ZBTB39: variants seen among roughly 807,000 people sequenced by gnomAD.
ZBTB39 encodes zinc finger and BTB domain containing 39, also known as zinc finger and BTB domain-containing protein 39.
Under a neutral mutation model 39.4 loss-of-function variants are expected in ZBTB39, and 25 were observed. The observed-to-expected ratio is 0.63, with a 90% confidence interval of 0.46 to 0.89. ZBTB39 has a LOEUF of 0.89. Ranked by LOEUF, ZBTB39 falls within the 40% of genes least tolerant of loss-of-function variation. ZBTB39 has a pLI of 0.00. For synonymous variants in ZBTB39, 373 were observed against 359.6 expected, an observed-to-expected ratio of 1.04 and a Z score of -0.42; for missense variants, 891 against 909.7, an observed-to-expected ratio of 0.98 and a Z score of 0.26.
At position 56,999,308 on chromosome 12, in the gene ZBTB39, A is replaced by G. The variant is rs1956196861; in HGVS notation, c.*3471T>C. On this transcript the variant is annotated 3_prime_UTR_variant, in exon 2 of 2. Coordinates refer to ENST00000300101, the MANE Select transcript of ZBTB39 (RefSeq NM_014830.3). ...TCCCATACCAATAAATACAGTGTCTATCTAGAATTTGCTTTGGAAGTTAAG... is the reference window on the plus strand; with the variant it reads ...TCCCATACCAATAAATACAGTGTCTGTCTAGAATTTGCTTTGGAAGTTAAG... 6.6e-6 allele frequency: 1 copy of G among 152,160 alleles called. No homozygotes were observed. The allele number at this position is 152,160 out of a possible 1,614,324, so 9.4% of individuals were successfully genotyped here.
chr12:57,002,677 C>A lies in ZBTB39; in HGVS notation c.*102G>T. On this transcript the variant is annotated 3_prime_UTR_variant, in exon 2 of 2. Transcript: ENST00000300101. Reference sequence around the variant, plus strand: ...ACACAACACAGAACAGAATTCCTACCAAGGCAAAATTATAACTTCAGCTGG... The same window carrying A: ...ACACAACACAGAACAGAATTCCTACAAAGGCAAAATTATAACTTCAGCTGG... 1 of 1,181,048 alleles carries A rather than the reference C, an allele frequency of 8.5e-7. No homozygotes were observed. Among genetic ancestry groups the A allele is most frequent in the South Asian group, 1.5e-5 (1 of 67,806 alleles). The allele number at this position is 1,181,048 out of a possible 1,614,324, so 73.2% of individuals were successfully genotyped here.
In ZBTB39 at chr12:57,003,362, T is replaced by C. The variant is rs769151317; in HGVS notation, c.1556A>G (p.Asp519Gly). 4.3e-6 allele frequency: 7 copies of C among 1,613,962 alleles called. No homozygotes were observed. Among genetic ancestry groups the C allele is most frequent in the East Asian group, 4.5e-5 (2 of 44,882 alleles). ...CATGTGCTTCTCTAGAAGATGCCAGTCCACAAAGCTGTTCGCACAGACAGA... is the reference window on the plus strand; with the variant it reads ...CATGTGCTTCTCTAGAAGATGCCAGCCCACAAAGCTGTTCGCACAGACAGA... ...SCSVCANSFV[D>G]WHLLEKHMAV... The change falls in exon 2 of 2, where the codon GAC (aspartate) becomes GGC (glycine). Residue 519 changes from aspartate to glycine, a missense_variant. Asp to Gly is a moderately conservative substitution (Grantham distance 94, BLOSUM62 -1). Coordinates refer to ENST00000300101, the MANE Select transcript of ZBTB39 (RefSeq NM_014830.3). The surrounding 1 kb of genome is among the most constrained non-coding windows in gnomAD (Gnocchi z 4.8).
intron 1 of ZBTB39, among the ~76,000 whole-genome samples, chr12:57,005,314 A>G (rs1017054776): frequency 6.6e-6 from 1 of 152,204 alleles, no homozygotes; most frequent in Non-Finnish European, 1.5e-5. Flanking sequence ...AAGCTTTCCT[A>G]ATTCATTGAG....
In ZBTB39 at chr12:57,003,629, A is replaced by T. The variant is rs1230655125; in HGVS notation, c.1289T>A (p.Val430Asp). 6.2e-7 allele frequency: 1 copy of T among 1,614,164 alleles called. No homozygotes were observed. The highest frequency in any genetic ancestry group is 1.7e-5 in the Admixed American group (1 of 60,026). The change falls in exon 2 of 2, where the codon GTC becomes GAC. Residue 430 changes from valine to aspartate, a missense_variant. Coordinates refer to ENST00000300101, the MANE Select transcript of ZBTB39 (RefSeq NM_014830.3). This position sits in a 1 kb window ranked among gnomAD's most constrained non-coding sequence, Gnocchi z 4.8. ...CCCTGGCAGGGGATCGTTGGGGTGGACAATGATGTTGTTCTCAAATATTCC... is the reference window on the plus strand; with the variant it reads ...CCCTGGCAGGGGATCGTTGGGGTGGTCAATGATGTTGTTCTCAAATATTCC... Reference protein sequence around the residue: ...RDGIFENNIIVHPNDPLPGKL... With the variant: ...RDGIFENNIIDHPNDPLPGKL...
Position 57,002,580 on chromosome 12 carries a change from A to T in ZBTB39, c.*199T>A. On this transcript the variant is annotated 3_prime_UTR_variant, in exon 2 of 2. Coordinates refer to ENST00000300101, the MANE Select transcript of ZBTB39 (RefSeq NM_014830.3). ...ATGGGCAAGAACAGGTATGGAGGTA[A>T]ATGTGATAGGGCTGTTGCTTCTCAA... The T allele has an allele frequency of 1.6e-6, 1 of 607,276 alleles. No homozygotes were observed. The highest frequency in any genetic ancestry group is 2.1e-5 in the South Asian group (1 of 47,024). The allele number at this position is 607,276 out of a possible 1,614,324, so 37.6% of individuals were successfully genotyped here. A position where few individuals can be genotyped will look rare whatever the true frequency, so the allele number is the denominator to read the frequency against.
chr12:57,004,914 C>T lies in ZBTB39; in HGVS notation c.4G>A (p.Gly2Ser). ...GTGCTTTGCAGTTTGATCCTCATGC[C>T]CATCTTAGCAGCTCCTATGAAATTA... M[G>S]MRIKLQSTNH... The change falls in exon 2 of 2, where the codon GGC becomes AGC. Residue 2 changes from glycine to serine, a missense_variant. Gly to Ser is a moderately conservative substitution (Grantham distance 56, BLOSUM62 0). Coordinates refer to ENST00000300101, the MANE Select transcript of ZBTB39 (RefSeq NM_014830.3). 1.3e-6 allele frequency: 2 copies of T among 1,588,380 alleles called. No homozygotes were observed. Among genetic ancestry groups the T allele is most frequent in the Non-Finnish European group, 1.7e-6 (2 of 1,163,824 alleles).
Position 57,004,908 on chromosome 12 carries a change from T to G in ZBTB39, c.10A>C (p.Arg4=). The G allele has an allele frequency of 1.3e-6, 2 of 1,593,474 alleles. No homozygotes were observed. The highest frequency in any genetic ancestry group is 1.7e-6 in the Non-Finnish European group (2 of 1,166,452). The change falls in exon 2 of 2, where the codon AGG becomes CGG. Residue 4 remains arginine (R), a synonymous_variant. Transcript: ENST00000300101. The part of the protein sequence containing the change: MGM[R]IKLQSTNHPN... ...TGGTTGGTGCTTTGCAGTTTGATCCTCATGCCCATCTTAGCAGCTCCTATG... is the reference window on the plus strand; with the variant it reads ...TGGTTGGTGCTTTGCAGTTTGATCCGCATGCCCATCTTAGCAGCTCCTATG...
rs752168216 is a variant in ZBTB39, at chr12:57,002,946, C to A, written c.1972G>T (p.Ala658Ser). Residue 658 changes from alanine (A) to serine (S), a missense_variant, in exon 2 of 2, where the codon GCC (alanine) becomes TCC (serine). Coordinates refer to ENST00000300101, the MANE Select transcript of ZBTB39 (RefSeq NM_014830.3). Reference sequence around the variant, plus strand: ...CAGACTGTGCAGCGGTACATGAGGGCCCCCGAGTGTGTCTTTAGGTGGCAC... The same window carrying A: ...CAGACTGTGCAGCGGTACATGAGGGACCCCGAGTGTGTCTTTAGGTGGCAC... Reference protein sequence around the residue: ...IKCHLKTHSGALMYRCTVCGH... With the variant: ...IKCHLKTHSGSLMYRCTVCGH... 1 of 1,614,206 alleles carries A rather than the reference C, an allele frequency of 6.2e-7. No individual in the cohort carries two copies. The highest frequency in any genetic ancestry group is 1.7e-5 in the Admixed American group (1 of 60,026).
rs1956220936 is a variant in ZBTB39 at position 57,003,230 on chromosome 12, T to C, written c.1688A>G (p.Asn563Ser). 1.2e-6 allele frequency: 2 copies of C among 1,614,242 alleles called. No homozygotes were observed. Among genetic ancestry groups the C allele is most frequent in the Non-Finnish European group, 1.7e-6 (2 of 1,180,030 alleles). The part of the protein sequence containing the change: ...YRYHVSQHKC[N>S]SGLDARPGFG... ...ACCAGGCCGTGCATCAAGGCCACTG[T>C]TGCATTTGTGCTGGCTGACGTGGTA... is the stretch of plus-strand genomic sequence containing the variant. Residue 563 changes from asparagine (N) to serine (S), a missense_variant, in exon 2 of 2, where the codon AAC (asparagine) becomes AGC (serine). Asn to Ser is a conservative substitution (Grantham distance 46). Transcript: ENST00000300101. The surrounding 1 kb of genome is among the most constrained non-coding windows in gnomAD (Gnocchi z 4.8).
Position 57,002,925 on chromosome 12 carries a change from CTG to C in ZBTB39, c.1991_1992del (p.Thr664SerfsTer10), listed in dbSNP as rs1956218455. On this transcript the variant is annotated frameshift_variant, in exon 2 of 2. Transcript: ENST00000300101. LOFTEE classifies it high-confidence loss of function. ...THSGALMYRCTVCGHYSSTLN... is the reference protein window; with the variant it reads ...THSGALMYRCXVCGHYSSTLN... ...AGGGTGGAACTGTAGTGCCCACAGACTGTGCAGCGGTACATGAGGGCCCCCGA... is the reference window on the plus strand; with the variant it reads ...AGGGTGGAACTGTAGTGCCCACAGACTGCAGCGGTACATGAGGGCCCCCGA... 6.2e-7 allele frequency: 1 copy of C among 1,614,130 alleles called. No individual in the cohort carries two copies. Among genetic ancestry groups the C allele is most frequent in the African/African-American group, 1.3e-5 (1 of 74,940 alleles).
At position 57,006,506 on chromosome 12, in the gene ZBTB39, G is replaced by C. The variant is rs1276456740; in HGVS notation, c.-146C>G. ...CGAGGAGGCGGCGCCGCCGGCCGCG[G>C]CCAGACTCTCCATCCGCCGCGCGGC... On this transcript the variant is annotated 5_prime_UTR_variant, in exon 1 of 2. Transcript: ENST00000300101. 1 of 146,698 alleles carries C rather than the reference G, an allele frequency of 6.8e-6. No homozygotes were observed. Among genetic ancestry groups the C allele is most frequent in the Non-Finnish European group, 1.5e-5 (1 of 65,996 alleles). 9.1% of individuals were successfully genotyped at this position (146,698 alleles called of 1,614,324 possible).
rs1956207009 is a variant in ZBTB39, at chr12:57,001,003, G to C, written c.*1776C>G. 6.6e-6 allele frequency: 1 copy of C among 152,316 alleles called. No homozygotes were observed. Among genetic ancestry groups the C allele is most frequent in the Admixed American group, 6.5e-5 (1 of 15,286 alleles). The allele number at this position is 152,316 out of a possible 1,614,324, so 9.4% of individuals were successfully genotyped here. Reference sequence around the variant, plus strand: ...ATCTACTCCATCACAGGAAGGAAGGGGGATGAAAGGCCTGGAATTTAACTG... The same window carrying C: ...ATCTACTCCATCACAGGAAGGAAGGCGGATGAAAGGCCTGGAATTTAACTG... On this transcript the variant is annotated 3_prime_UTR_variant, in exon 2 of 2. Transcript: ENST00000300101.
rs1451600930 is a variant in ZBTB39 at position 57,006,486 on chromosome 12, A to AGGC, written c.-129_-127dup. 1.4e-5 allele frequency: 2 copies of AGGC among 147,178 alleles called. No homozygotes were observed. The highest frequency in any genetic ancestry group is 6.7e-5 in the Admixed American group (1 of 14,908). The allele number at this position is 147,178 out of a possible 1,614,324, so 9.1% of individuals were successfully genotyped here. A position where few individuals can be genotyped will look rare whatever the true frequency, so the allele number is the denominator to read the frequency against. ...GCCCGCCGTGCCCGGCCCGACGAGG[A>AGGC]GGCGGCGCCGCCGGCCGCGGCCAGA... On this transcript the variant is annotated 5_prime_UTR_variant, in exon 1 of 2. Coordinates refer to ENST00000300101, the MANE Select transcript of ZBTB39 (RefSeq NM_014830.3).
Position 57,002,631 on chromosome 12 carries a change from T to C in ZBTB39, c.*148A>G. On this transcript the variant is annotated 3_prime_UTR_variant, in exon 2 of 2. Transcript: ENST00000300101. ...CAACAGTAACAGCTTATGTGCTATTTCTTCTTCTTTTCTTCTTTAAACACA... is the reference window on the plus strand; with the variant it reads ...CAACAGTAACAGCTTATGTGCTATTCCTTCTTCTTTTCTTCTTTAAACACA... 1 of 744,950 alleles carries C rather than the reference T, an allele frequency of 1.3e-6. No individual in the cohort carries two copies. The highest frequency in any genetic ancestry group is 2.2e-6 in the Non-Finnish European group (1 of 462,684). 46.1% of individuals were successfully genotyped at this position (744,950 alleles called of 1,614,324 possible).
Position 57,004,844 on chromosome 12 carries a change from A to G in ZBTB39, c.74T>C (p.Leu25Pro). The G allele has an allele frequency of 6.2e-7, 1 of 1,613,814 alleles. No individual in the cohort carries two copies. ...NLLKELNKCR[L>P]SETMCDVTIV... ...GGTGACGTCGCACATGGTCTCTGAG[A>G]GCCGGCACTTGTTGAGTTCCTTCAG... is the stretch of plus-strand genomic sequence containing the variant. Residue 25 changes from leucine to proline, a missense_variant, in exon 2 of 2, where the codon CTC (leucine) becomes CCC (proline). Leu to Pro is a moderately conservative substitution (Grantham distance 98, BLOSUM62 -3). Transcript: ENST00000300101.
rs188033858 is a variant in ZBTB39, at chr12:56,998,969, T to C, written c.*3810A>G. ...AAAGTTTACAAAATATACAAAACTT[T>C]ACAGCAATAGATAGTAAACACTTAA... On this transcript the variant is annotated 3_prime_UTR_variant, in exon 2 of 2. Coordinates refer to ENST00000300101, the MANE Select transcript of ZBTB39 (RefSeq NM_014830.3). The C allele has an allele frequency of 1.9e-4, 29 of 152,782 alleles. No homozygotes were observed. Among genetic ancestry groups the C allele is most frequent in the African/African-American group, 7.0e-4 (29 of 41,578 alleles). The allele number at this position is 152,782 out of a possible 1,614,324, so 9.5% of individuals were successfully genotyped here.
Position 57,004,124 on chromosome 12 carries a change from T to A in ZBTB39, c.794A>T (p.Asn265Ile). 6.2e-7 allele frequency: 1 copy of A among 1,614,178 alleles called. No individual in the cohort carries two copies. Among genetic ancestry groups the A allele is most frequent in the Non-Finnish European group, 8.5e-7 (1 of 1,180,030 alleles). The change falls in exon 2 of 2, where the codon AAT (asparagine) becomes ATT (isoleucine). Residue 265 changes from asparagine (N) to isoleucine (I), a missense_variant. Coordinates refer to ENST00000300101, the MANE Select transcript of ZBTB39 (RefSeq NM_014830.3). ...GGTCCCAGTGGTAATGTCTACTGCA[T>A]TGTCAGGGGTGAGGAAGCTGTTTTT... ...FSKNSFLTPD[N>I]AVDITTGTNS...
Position 57,004,805 on chromosome 12 carries a change from C to A in ZBTB39, c.113G>T (p.Ser38Ile). The A allele has an allele frequency of 7.4e-6, 12 of 1,614,188 alleles. No individual in the cohort carries two copies. The highest frequency in any genetic ancestry group is 1.0e-5 in the Non-Finnish European group (12 of 1,180,034). Residue 38 changes from serine (S) to isoleucine (I), a missense_variant, in exon 2 of 2, where the codon AGC becomes ATC. Ser to Ile is a moderately radical substitution (Grantham distance 142). Transcript: ENST00000300101. ...TMCDVTIVVG[S>I]RSFPAHKAVL... ...AGCCTTGTGGGCCGGGAAGGAGCGGCTCCCCACCACAATGGTGACGTCGCA... is the reference window on the plus strand; with the variant it reads ...AGCCTTGTGGGCCGGGAAGGAGCGGATCCCCACCACAATGGTGACGTCGCA...
rs1956221582 is a variant in ZBTB39 at position 57,003,275 on chromosome 12, T to C, written c.1643A>G (p.Lys548Arg). The change falls in exon 2 of 2, where the codon AAG becomes AGG. Residue 548 changes from lysine (K) to arginine (R), a missense_variant. By Grantham distance (26) the Lys-to-Arg change is conservative (BLOSUM62 2). Transcript: ENST00000300101. The surrounding 1 kb of genome is among the most constrained non-coding windows in gnomAD (Gnocchi z 4.8). ...GTGGTAGCGATAGGCAGCCTCTGAC[T>C]TGAAGCTCTGGCTGCACAAGCGGCA... ...FHCRLCSQSF[K>R]SEAAYRYHVS... is the part of the protein sequence containing the mutation. 2.5e-6 allele frequency: 4 copies of C among 1,614,204 alleles called. No individual in the cohort carries two copies. Among genetic ancestry groups the C allele is most frequent in the East Asian group, 2.2e-5 (1 of 44,892 alleles).
Sources: gnomAD v4.1 joint callset for allele counts (sites outside exome capture counted in the v4.1 genomes callset) on GRCh38, gnomAD v4.1.1 for gene constraint, Gnocchi (gnomAD v3.1) non-coding constraint, MANE v1.5 for transcripts, NCBI Gene and HGNC (gene_info 2026-07-23, HGNC 2026-07-21) for gene names.